Variants in CDKL5 observed in about 807,000 individuals in gnomAD.
CDKL5 encodes cyclin dependent kinase like 5, also known as cyclin-dependent kinase-like 5.
In CDKL5, 8 loss-of-function variants were observed where a neutral mutation model predicts 61.7. That is an observed-to-expected ratio of 0.13 (90% CI 0.08 to 0.23). The LOEUF (loss-of-function observed/expected upper bound fraction) is 0.23, where lower values mean the gene tolerates loss of function less well. Ranked by LOEUF, CDKL5 falls within the 10% of genes least tolerant of loss-of-function variation. The probability of loss-of-function intolerance (pLI) is 1.00; values close to 1 mark genes in which losing one functional copy is unlikely to be tolerated. For synonymous variants in CDKL5, 275 were observed against 272.3 expected (o/e 1.01, Z -0.10); for missense variants, 440 against 734.5 (o/e 0.60, Z 4.63).
chrX:18,564,226 C>T (rs1924889490), intron 3 of CDKL5, among the ~76,000 whole-genome samples: 1 of 111,537 alleles, frequency 9.0e-6, no homozygotes, highest in Non-Finnish European at 1.9e-5. Context: ...TACGCATATT[C>T]TGTCACCATA....
At chrX:18,624,208 A>G (rs1451273640) in intron 16 of CDKL5, among the ~76,000 whole-genome samples, 1 of 112,382 alleles carries the variant, frequency 8.9e-6, no homozygotes, top group Non-Finnish European at 1.9e-5. Flanking sequence ...CTATTAAGCA[A>G]ACAAACTAGT....
At position 18,631,154 on chromosome X, in the gene CDKL5, A is replaced by G; in HGVS notation, c.*2397A>G. The G allele has an allele frequency of 4.0e-6, 3 of 753,262 alleles. No individual in the cohort carries two copies. The highest frequency in any genetic ancestry group is 4.7e-6 in the Non-Finnish European group (3 of 639,070). The allele number at this position is 753,262 out of a possible 1,213,427, so 62.1% of individuals were successfully genotyped here. On this transcript the variant is annotated 3_prime_UTR_variant, in exon 18 of 18. Coordinates refer to ENST00000623535, the MANE Select transcript of CDKL5 (RefSeq NM_001323289.2). The stretch of plus-strand genomic sequence containing the variant: ...AGATGTTTGCAGAACATTTCTATTC[A>G]TGACGGTTCTTCAAAGAAGGGCTAG...
At chrX:18,436,352 C>G (rs1437320199) in intron 1 of CDKL5, among the ~76,000 whole-genome samples, 3 of 110,391 alleles carry the variant, frequency 2.7e-5, no homozygotes. Context: ...GAAAAAAAAT[C>G]TGGGTATAAG....
At chrX:18,426,887 A>C (rs556903933) in intron 1 of CDKL5, 2 of 112,377 alleles carry the variant, frequency 1.8e-5, no homozygotes, top group African/African-American at 6.5e-5. Flanking sequence ...GTTACAAAAA[A>C]GACATCTTCA....
intron 14 of CDKL5, among the ~76,000 whole-genome samples, chrX:18,612,350 G>T (rs931146027): frequency 1.2e-4 from 13 of 111,397 alleles, no homozygotes; most frequent in African/African-American, 4.2e-4. Flanking sequence ...AGGGAATGGT[G>T]GTAGGGGCTA....
At chrX:18,531,706 TC>T (rs201226377) in intron 3 of CDKL5, among the ~76,000 whole-genome samples, 147 of 108,735 alleles carry the variant, frequency 1.4e-3, no homozygotes, top group African/African-American at 4.7e-3. Context: ...TTTTCTTTTT[TC>T]TTTTTTTTTT....
chrX:18,572,793 G>A (rs1051570592), intron 4 of CDKL5, among the ~76,000 whole-genome samples: 3 of 112,027 alleles, frequency 2.7e-5, no homozygotes, highest in Non-Finnish European at 5.6e-5. Flanking sequence ...CTTGTGTCAG[G>A]TACAGTCCTG....
chrX:18,501,739 G>A (rs1265592141), intron 1 of CDKL5, among the ~76,000 whole-genome samples: 1 of 108,611 alleles, frequency 9.2e-6, no homozygotes, highest in Non-Finnish European at 1.9e-5. Flanking sequence ...AGTAGAGATC[G>A]GGTTTCATCA....
intron 1 of CDKL5, among the ~76,000 whole-genome samples, chrX:18,459,916 A>G (rs888306182): frequency 3.8e-5 from 4 of 106,637 alleles, no homozygotes; most frequent in African/African-American, 1.4e-4. Flanking sequence ...CTTGTTGCCC[A>G]GGCTGGAGTG....
intron 1 of CDKL5, among the ~76,000 whole-genome samples, chrX:18,469,625 G>A (rs1431049731): frequency 1.2e-4 from 13 of 105,592 alleles, no homozygotes; most frequent in Non-Finnish European, 2.5e-4. Flanking sequence ...TCCAGCCTGG[G>A]CAATGAGAGC....
At chrX:18,606,923 G>A (rs1926384817) in intron 12 of CDKL5, among the ~76,000 whole-genome samples, 1 of 111,978 alleles carries the variant, frequency 8.9e-6, no homozygotes, top group African/African-American at 3.2e-5. Context: ...TTGAAGGATT[G>A]AATATAGGAA....
At position 18,473,909 on chromosome X, in the gene CDKL5, T is replaced by G. The variant is rs368760661; in HGVS notation, c.-162-33026T>G. 5.0e-4 allele frequency among the ~76,000 whole-genome samples: 54 copies of G among 108,442 alleles called. No homozygotes were observed. In the East Asian group the frequency reaches 0.013, roughly 26 times the overall value. 94.2% of individuals were successfully genotyped at this position (108,442 alleles called of 115,157 possible). A position where few individuals can be genotyped will look rare whatever the true frequency, so the allele number is the denominator to read the frequency against. ...AGGGGAACTTCGGTTCTTTTTTTTT[T>G]TTTTGAGACGGAGTTTTGCTCTTGT... is the stretch of plus-strand genomic sequence containing the variant. On this transcript the variant is annotated intron_variant, in intron 1 of 17. Transcript: ENST00000623535.
At chrX:18,606,129 C>A (rs1479926583) in intron 12 of CDKL5, among the ~76,000 whole-genome samples, 1 of 109,580 alleles carries the variant, frequency 9.1e-6, no homozygotes, top group Non-Finnish European at 1.9e-5. Context: ...TGCAGTGAGC[C>A]GAGATCGTGC....
intron 4 of CDKL5, among the ~76,000 whole-genome samples, chrX:18,571,326 C>A (rs776349103): frequency 2.7e-5 from 3 of 111,346 alleles, no homozygotes; most frequent in Admixed American, 9.6e-5. Context: ...ACCTTTGTGC[C>A]TGTGTTCTAC....
At chrX:18,645,291 T>C (rs2048080737) in intron 19 of CDKL5, among the ~76,000 whole-genome samples, 1 of 111,397 alleles carries the variant, frequency 9.0e-6, no homozygotes, top group African/African-American at 3.3e-5. Context: ...TCCAGACTTA[T>C]TCCTTGGGTG....
chrX:18,473,000 G>A (rs111304547), intron 1 of CDKL5, among the ~76,000 whole-genome samples: 2 of 102,988 alleles, frequency 1.9e-5, no homozygotes, highest in Non-Finnish European at 3.9e-5. Flanking sequence ...CTGTCACCCA[G>A]GCTGGAGTGC....
At chrX:18,501,327 C>A (rs1334701539) in intron 1 of CDKL5, among the ~76,000 whole-genome samples, 1 of 109,297 alleles carries the variant, frequency 9.1e-6, no homozygotes, top group East Asian at 2.9e-4. Context: ...GTGCCTGCCA[C>A]CGCACCTGGC....
intron 3 of CDKL5, among the ~76,000 whole-genome samples, 162 bp downstream of exon 3, chrX:18,511,016 A>G (rs1569198934): frequency 3.6e-5 from 4 of 111,976 alleles, no homozygotes; most frequent in Admixed American, 2.9e-4. Context: ...GAATATTTCC[A>G]TATATGTAAT....
At chrX:18,573,499 C>T (rs1175754063) in intron 4 of CDKL5, among the ~76,000 whole-genome samples, 1 of 112,065 alleles carries the variant, frequency 8.9e-6, no homozygotes, top group African/African-American at 3.2e-5. Flanking sequence ...AACACCTGGA[C>T]CTTTGTCCCC....
Sources: gnomAD v4.1 joint callset for allele counts (sites outside exome capture counted in the v4.1 genomes callset) on GRCh38, gnomAD v4.1.1 for gene constraint, MANE v1.5 for transcripts, NCBI Gene and HGNC (gene_info 2026-07-23, HGNC 2026-07-21) for gene names.